The following FAM107B variants were observed in gnomAD, a reference collection of about 807,000 sequenced individuals.
FAM107B encodes family with sequence similarity 107 member B.
In FAM107B, 21 loss-of-function variants were observed where a neutral mutation model predicts 31.5. That is an observed-to-expected ratio of 0.67 (90% CI 0.47 to 0.96). The LOEUF (loss-of-function observed/expected upper bound fraction) is 0.96. FAM107B is among the 40% of genes least tolerant of loss of function. The pLI is 0.00. For missense variants in FAM107B, 452 were observed against 377.1 expected, an observed-to-expected ratio of 1.20 and a Z score of -1.64; for synonymous variants, 157 against 141.5, an observed-to-expected ratio of 1.11 and a Z score of -0.78.
chr10:14,770,009 G>A lies in FAM107B; in HGVS notation c.411+4244C>T, dbSNP rs149862365. On this transcript the variant is annotated intron_variant, in intron 1 of 4. Coordinates refer to ENST00000181796, the MANE Select transcript of FAM107B (RefSeq NM_031453.4). ...AGCCCCTGTATTCTAGTCTTCCCCTGTCTTCTTCCCAAGGCTGAACATGGA... is the reference window on the plus strand; with the variant it reads ...AGCCCCTGTATTCTAGTCTTCCCCTATCTTCTTCCCAAGGCTGAACATGGA... Among the ~76,000 whole-genome samples the A allele has an allele frequency of 5.4e-3, 829 of 152,248 alleles. 6 individuals are homozygous for A. The highest frequency in any genetic ancestry group is 9.0e-3 in the Non-Finnish European group (613 of 68,016).
At chr10:14,742,864 G>A (rs910827092) in intron 1 of FAM107B, among the ~76,000 whole-genome samples, 20 of 151,866 alleles carry the variant, frequency 1.3e-4, no homozygotes, top group African/African-American at 4.8e-4. Context: ...TTTACTTACT[G>A]TAATCTTCCT....
intron 1 of FAM107B, among the ~76,000 whole-genome samples, chr10:14,713,606 C>T (rs777706998): frequency 1.8e-4 from 27 of 152,254 alleles, no homozygotes; most frequent in African/African-American, 6.0e-4. Flanking sequence ...GGAAGGAAAA[C>T]ATCAGGGTTC....
At chr10:14,760,174 T>C (rs568157225) in intron 1 of FAM107B, among the ~76,000 whole-genome samples, 1 of 152,342 alleles carries the variant, frequency 6.6e-6, no homozygotes, top group African/African-American at 2.4e-5. Context: ...TTATTCAGAT[T>C]TGAAACACAG....
intron 2 of FAM107B, among the ~76,000 whole-genome samples, chr10:14,585,391 T>C (rs1021262268): frequency 3.3e-5 from 5 of 151,890 alleles, no homozygotes; most frequent in African/African-American, 1.2e-4. Flanking sequence ...GGCTGATGAG[T>C]AGAAGACCAA....
chr10:14,743,471 T>C (rs577010201), intron 1 of FAM107B, among the ~76,000 whole-genome samples: 88 of 152,260 alleles, frequency 5.8e-4, no homozygotes, highest in African/African-American at 1.9e-3. Context: ...TCTTCTAGGG[T>C]TTTCATAGTT....
intron 1 of FAM107B, among the ~76,000 whole-genome samples, chr10:14,759,664 A>C (rs761247343): frequency 3.3e-5 from 5 of 152,202 alleles, no homozygotes; most frequent in Non-Finnish European, 7.3e-5. Context: ...TTAAAGGATA[A>C]ACCAATAAAA....
At chr10:14,539,157 C>T (rs1847928644) in intron 2 of FAM107B, among the ~76,000 whole-genome samples, 1 of 152,208 alleles carries the variant, frequency 6.6e-6, no homozygotes, top group Admixed American at 6.5e-5. Flanking sequence ...CTAGTTTAAA[C>T]AAAGAATAAT....
chr10:14,666,361 G>A (rs1275245730), intron 2 of FAM107B, among the ~76,000 whole-genome samples: 1 of 152,148 alleles, frequency 6.6e-6, no homozygotes, highest in African/African-American at 2.4e-5. Context: ...GAAGTGCAGA[G>A]TGAAGTGGGA....
At chr10:14,609,651 C>A (rs1852679210) in intron 2 of FAM107B, among the ~76,000 whole-genome samples, 2 of 152,222 alleles carry the variant, frequency 1.3e-5, no homozygotes. Flanking sequence ...ATCTTCCTAT[C>A]TTGACAGGTA....
chr10:14,542,554 C>T (rs566349239), intron 2 of FAM107B: 5 of 152,346 alleles, frequency 3.3e-5, no homozygotes, highest in African/African-American at 1.2e-4. Flanking sequence ...TAGTGGTCAG[C>T]TGAAACTGAC....
rs566025254 is a variant in FAM107B at position 14,552,392 on chromosome 10, C to G, written c.470-21877G>C. Among the ~76,000 whole-genome samples, 12 of 152,118 alleles carry G rather than the reference C, an allele frequency of 7.9e-5. No homozygotes were observed. The South Asian group carries it at 2.5e-3, about 32-fold the overall frequency. On this transcript the variant is annotated intron_variant, in intron 2 of 4. Transcript: ENST00000181796. ...GCTCTAAAGAACTCAGATAAACTTT[C>G]TAAAATATCTCAGATCGGAGGCTTT...
intron 1 of FAM107B, among the ~76,000 whole-genome samples, chr10:14,726,898 T>C (rs1206697034): frequency 6.6e-6 from 1 of 152,112 alleles, no homozygotes; most frequent in East Asian, 1.9e-4. Context: ...TATTATTACA[T>C]TGTAATATCT....
chr10:14,758,743 T>C (rs1011347642), intron 1 of FAM107B, among the ~76,000 whole-genome samples: 4 of 151,918 alleles, frequency 2.6e-5, no homozygotes, highest in Non-Finnish European at 5.9e-5. Context: ...CCGCGAGTGC[T>C]GGCACACCTG....
chr10:14,739,803 G>C (rs1856394941), intron 1 of FAM107B, among the ~76,000 whole-genome samples: 1 of 152,164 alleles, frequency 6.6e-6, no homozygotes, highest in Non-Finnish European at 1.5e-5. Flanking sequence ...ACACCGTGAA[G>C]TGAATCCCTG....
chr10:14,692,547 A>G (rs956955628), intron 1 of FAM107B, among the ~76,000 whole-genome samples: 2 of 152,208 alleles, frequency 1.3e-5, no homozygotes, highest in African/African-American at 4.8e-5. Context: ...TTTAAGACCC[A>G]TTGATGCCCT....
At chr10:14,677,570 G>A (rs396731) in intron 1 of FAM107B, among the ~76,000 whole-genome samples, 1 of 152,052 alleles carries the variant, frequency 6.6e-6, no homozygotes, top group Non-Finnish European at 1.5e-5. Context: ...GCAGTGAGCA[G>A]AGATGGCGCC....
chr10:14,622,308 A>T (rs891694810), intron 2 of FAM107B, among the ~76,000 whole-genome samples: 1 of 136,538 alleles, frequency 7.3e-6, no homozygotes, highest in Non-Finnish European at 1.6e-5. Context: ...AGTATGAGAG[A>T]TTTTTTTTTT....
At chr10:14,610,564 A>G (rs1852701635) in intron 2 of FAM107B, among the ~76,000 whole-genome samples, 1 of 152,238 alleles carries the variant, frequency 6.6e-6, no homozygotes, top group Admixed American at 6.5e-5. Flanking sequence ...TGGTTTGCCA[A>G]GCAAATATAG....
At chr10:14,560,334 AAC>A (rs756774065) in intron 2 of FAM107B, among the ~76,000 whole-genome samples, 53 of 152,316 alleles carry the variant, frequency 3.5e-4, no homozygotes, top group Non-Finnish European at 6.0e-4. Flanking sequence ...GTAAAAACTA[AAC>A]CAAGATACAT....
Sources: allele counts gnomAD v4.1 joint callset (sites outside exome capture counted in the v4.1 genomes callset), GRCh38; gene constraint gnomAD v4.1.1; transcripts MANE v1.5; gene names NCBI Gene and HGNC (gene_info 2026-07-23, HGNC 2026-07-21).